UBR4: variants seen among roughly 807,000 people sequenced by gnomAD.
The protein encoded by UBR4 is ubiquitin protein ligase E3 component n-recognin 4, also known as E3 ubiquitin-protein ligase UBR4.
In UBR4, 124 loss-of-function variants were observed where a neutral mutation model predicts 575.6. That is an observed-to-expected ratio of 0.22 (90% confidence interval 0.19 to 0.25). The LOEUF (loss-of-function observed/expected upper bound fraction) is 0.25, where lower values mean the gene tolerates loss of function less well. Among genes scored for constraint, UBR4 ranks in the 10% least tolerant of loss-of-function variants. UBR4 has a pLI of 1.00. For synonymous variants in UBR4, 2,455 were observed against 2,473.7 expected, an observed-to-expected ratio of 0.99 and a Z score of 0.22; for missense variants, 4,818 against 6,478.8, an observed-to-expected ratio of 0.74 and a Z score of 8.80.
At chr1:19,120,490 A>G (rs1194321246) in intron 68 of UBR4, 142 bp from the exon 69 acceptor site, 2 of 1,084,874 alleles carry the variant, frequency 1.8e-6, no homozygotes, top group Non-Finnish European at 2.6e-6. Flanking sequence ...CTGCAAAACA[A>G]TTTTTAGTTG....
At position 19,140,836 on chromosome 1, in the gene UBR4, T is replaced by C. The variant is rs1256209211; in HGVS notation, c.8545A>G (p.Ser2849Gly). 1.2e-6 allele frequency: 2 copies of C among 1,613,226 alleles called. No individual in the cohort carries two copies. The highest frequency in any genetic ancestry group is 2.2e-5 in the East Asian group (1 of 44,874). ...QSLGLSGQAP[S>G]SSSLDAGTLS... ...GTTCCTGCGTCCAGAGAGGAAGAGC[T>C]GGGTGCCTGGCCGGACAGTCCCAGG... The change falls in exon 58 of 106, where the codon AGC becomes GGC. Residue 2849 changes from serine (S) to glycine (G), a missense_variant. Transcript: ENST00000375254.
At chr1:19,116,508 T>A (rs1477641890) in intron 73 of UBR4, among the ~76,000 whole-genome samples, 2 of 152,092 alleles carry the variant, frequency 1.3e-5, no homozygotes, top group Non-Finnish European at 2.9e-5. Flanking sequence ...TGAGCCTTAT[T>A]CTGCCTCTTG....
At chr1:19,190,312 A>AAAAAAAAATATATATATATATATAT in intron 11 of UBR4, among the ~76,000 whole-genome samples, 3 of 79,914 alleles carry the variant, frequency 3.8e-5, no homozygotes, top group African/African-American at 1.6e-4. Context: ...AAAAAAAAAA[A>AAAAAAAAATATATATATATATATAT]ATATATATAT....
chr1:19,195,188 C>G (rs1226568150), intron 8 of UBR4, among the ~76,000 whole-genome samples: 3 of 151,138 alleles, frequency 2.0e-5, no homozygotes, highest in African/African-American at 7.3e-5. Flanking sequence ...TGGCGTGAAA[C>G]CAGGAGGTGG....
chr1:19,113,183 T>C lies in UBR4; in HGVS notation c.11458-316A>G, dbSNP rs1052308738. 2.6e-5 allele frequency: 8 copies of C among 311,632 alleles called. No homozygotes were observed. In the Admixed American group the frequency reaches 3.8e-4, roughly 15 times the overall value. 19.3% of individuals were successfully genotyped at this position (311,632 alleles called of 1,614,324 possible). A position where few individuals can be genotyped will look rare whatever the true frequency, so the allele number is the denominator to read the frequency against. ...TGTAGCAAAGATGGCACTCCAGCAA[T>C]TTGGGGTTGAGGGGGAAGGTAAACT... On this transcript the variant is annotated intron_variant, in intron 77 of 105. Transcript: ENST00000375254.
Position 19,164,420 on chromosome 1 carries a change from A to C in UBR4, c.4533T>G (p.Cys1511Trp). ...GAGTCAGGGTGCCCAGAAGAACAGC[A>C]CACACACCTTCCCCAACTTGGCTAG... ...RENSQVGEGV[C>W]AVLLGTLTPM... Residue 1511 changes from cysteine (C) to tryptophan (W), a missense_variant, in exon 33 of 106, where the codon TGT becomes TGG. Physicochemically the swap from Cys to Trp is radical, Grantham distance 215. This residue lies in a region of UBR4 where 1,172 missense variants were observed against 1,259.7 expected (regional missense o/e 0.93). Transcript: ENST00000375254. The C allele has an allele frequency of 6.2e-7, 1 of 1,614,000 alleles. No homozygotes were observed. Among genetic ancestry groups the C allele is most frequent in the Non-Finnish European group, 8.5e-7 (1 of 1,179,958 alleles).
At chr1:19,154,681 C>A (rs2086203905) in intron 44 of UBR4, among the ~76,000 whole-genome samples, 1 of 152,148 alleles carries the variant, frequency 6.6e-6, no homozygotes, top group Non-Finnish European at 1.5e-5. Context: ...ACAGTGGACC[C>A]CTAAACTACC....
chr1:19,186,369 G>C (rs575048009), intron 14 of UBR4, among the ~76,000 whole-genome samples, 171 bp downstream of exon 14: 2 of 152,338 alleles, frequency 1.3e-5, no homozygotes, highest in South Asian at 4.1e-4. Context: ...AGCTCAACTT[G>C]CTCTTAAATA....
chr1:19,209,385 A>C (rs2093188969), intron 1 of UBR4, among the ~76,000 whole-genome samples: 1 of 152,242 alleles, frequency 6.6e-6, no homozygotes, highest in Non-Finnish European at 1.5e-5. Flanking sequence ...ATCGCTGTGC[A>C]AAAAGACAAA....
chr1:19,141,512 C>G lies in UBR4; in HGVS notation c.8323G>C (p.Val2775Leu). 3 of 1,608,126 alleles carry G rather than the reference C, an allele frequency of 1.9e-6. No homozygotes were observed. The highest frequency in any genetic ancestry group is 1.1e-5 in the South Asian group (1 of 89,892). The change falls in exon 57 of 106, where the codon GTC (valine) becomes CTC (leucine). Residue 2775 changes from valine (V) to leucine (L), a missense_variant. Around this residue, in one of 29 missense-constraint regions of UBR4, gnomAD observed 129 missense variants for 198.4 expected, o/e 0.65. Coordinates refer to ENST00000375254, the MANE Select transcript of UBR4 (RefSeq NM_020765.3). ...TTGACATTTTCAGCTGTCTCCAGGA[C>G]CATCGACTCAGACTGCAGAGAGAAA... Reference protein sequence around the residue: ...GDFEMVSESMVLETAENVNNG... With the variant: ...GDFEMVSESMLLETAENVNNG...
At chr1:19,087,287 A>G (rs1054518655) in intron 99 of UBR4, among the ~76,000 whole-genome samples, 6 of 152,250 alleles carry the variant, frequency 3.9e-5, no homozygotes, top group African/African-American at 1.4e-4. Context: ...TGGAAAGAAG[A>G]GGCCACCTTT....
chr1:19,151,534 A>G (rs1282599662), intron 48 of UBR4, 109 bp downstream of exon 48: 5 of 1,216,860 alleles, frequency 4.1e-6, no homozygotes, highest in African/African-American at 1.5e-5. Flanking sequence ...AAGGACAGAA[A>G]AATCAGCAGA....
chr1:19,082,712 G>A (rs1025007622), intron 102 of UBR4, among the ~76,000 whole-genome samples: 1 of 152,194 alleles, frequency 6.6e-6, no homozygotes, highest in African/African-American at 2.4e-5. Context: ...AGGAGGAGAG[G>A]GTGCAAGGAC....
Position 19,106,900 on chromosome 1 carries a change from G to A in UBR4, c.12172C>T (p.Leu4058=), listed in dbSNP as rs1557606487. ...GCCTTGGGGTCTCTCTTGAGCCACA[G>A]TTGAGCCTGGGCATGGATCTCATTG... ...YCNEIHAQAQ[L]WLKRDPKASY... The change falls in exon 82 of 106, where the codon CTG becomes TTG. Residue 4058 remains leucine (L), a synonymous_variant. Transcript: ENST00000375254. The A allele has an allele frequency of 1.9e-6, 3 of 1,613,590 alleles. No individual in the cohort carries two copies.
rs1426594584 is a variant in UBR4 at position 19,110,878 on chromosome 1, G to A, written c.11802-46C>T. On this transcript the variant is annotated intron_variant, in intron 78 of 105. Coordinates refer to ENST00000375254, the MANE Select transcript of UBR4 (RefSeq NM_020765.3). The surrounding 1 kb of genome is among the most constrained non-coding windows in gnomAD (Gnocchi z 4.5). ...GGAGTCCTATAATTCACAATCAGGT[G>A]TGACACTCCTTTCCACCTGAAGGGG... 1.9e-6 allele frequency: 3 copies of A among 1,572,016 alleles called. No individual in the cohort carries two copies. Among genetic ancestry groups the A allele is most frequent in the African/African-American group, 2.7e-5 (2 of 73,982 alleles).
intron 100 of UBR4, 27 bp from the exon 101 acceptor site, chr1:19,086,297 G>A (rs949865500): frequency 5.6e-5 from 83 of 1,475,640 alleles, no homozygotes; most frequent in Non-Finnish European, 7.4e-5. Flanking sequence ...GCAGGGACAA[G>A]CGACTGCTGG....
At chr1:19,189,813 CAT>C (rs1384539157) in intron 11 of UBR4, among the ~76,000 whole-genome samples, 1 of 152,158 alleles carries the variant, frequency 6.6e-6, no homozygotes, top group Non-Finnish European at 1.5e-5. Flanking sequence ...AATGGCCACT[CAT>C]AAAATCACAA....
At position 19,114,907 on chromosome 1, in the gene UBR4, G is replaced by A; in HGVS notation, c.11106C>T (p.Ala3702=). 1 of 1,614,214 alleles carries A rather than the reference G, an allele frequency of 6.2e-7. No individual in the cohort carries two copies. The highest frequency in any genetic ancestry group is 2.2e-5 in the East Asian group (1 of 44,876). Residue 3702 remains alanine, a synonymous_variant, in exon 75 of 106, where the codon GCC becomes GCT. Transcript: ENST00000375254. ...YDEKDPFLCN[A]CGFCKYARFD... ...AGCGGGCATATTTACAGAAGCCACA[G>A]GCATTGCAGAGGAAGGGATCCTTTT... is the stretch of plus-strand genomic sequence containing the variant.
chr1:19,129,637 C>A (rs1420495684), intron 60 of UBR4, among the ~76,000 whole-genome samples: 1 of 152,244 alleles, frequency 6.6e-6, no homozygotes, highest in South Asian at 2.1e-4. Flanking sequence ...CACTGTCCTA[C>A]TGGACCCATG....
Sources: gnomAD v4.1 joint callset for allele counts (sites outside exome capture counted in the v4.1 genomes callset) on GRCh38, gnomAD v4.1.1 for gene constraint, gnomAD v4.1.1 regional missense constraint, Gnocchi (gnomAD v3.1) non-coding constraint, MANE v1.5 for transcripts, NCBI Gene and HGNC (gene_info 2026-07-23, HGNC 2026-07-21) for gene names.